IGSF10: variants seen among roughly 807,000 people sequenced by gnomAD.
IGSF10 encodes the protein immunoglobulin superfamily member 10.
A neutral mutation model predicts 128.2 loss-of-function variants in IGSF10; 126 were observed. That is an observed-to-expected ratio of 0.98 (90% CI 0.85 to 1.14). The LOEUF is 1.14. Ranked by LOEUF, IGSF10 falls within the 50% of genes most tolerant of loss-of-function variation. The pLI, the probability that IGSF10 is intolerant of heterozygous loss-of-function variation, is 0.00. For missense variants in IGSF10, 3,295 were observed against 3,149.8 expected, an observed-to-expected ratio of 1.05 and a Z score of -1.10; for synonymous variants, 1,185 against 1,146.2, an observed-to-expected ratio of 1.03 and a Z score of -0.68.
chr3:151,524,391 A>G, the IGSF10 span, among the ~76,000 whole-genome samples: 3 of 152,124 alleles, frequency 2.0e-5, no homozygotes, highest in African/African-American at 7.2e-5. Flanking sequence ...ATGTCCATCA[A>G]TGACAGATTA....
At chr3:151,609,500 C>A in the IGSF10 span, among the ~76,000 whole-genome samples, 1 of 151,948 alleles carries the variant, frequency 6.6e-6, no homozygotes, top group Non-Finnish European at 1.5e-5. Flanking sequence ...TCAGTATATA[C>A]CCAAAGGAAA....
chr3:151,539,315 T>C, the IGSF10 span, among the ~76,000 whole-genome samples: 4 of 152,184 alleles, frequency 2.6e-5, no homozygotes, highest in Admixed American at 1.3e-4. Context: ...ATAGCCGCTC[T>C]TAAGAGGAAG....
chr3:151,598,070 G>GGTGTGTGTGTGTGTGTGTGT, the IGSF10 span, among the ~76,000 whole-genome samples: 1 of 137,686 alleles, frequency 7.3e-6, no homozygotes, highest in African/African-American at 2.7e-5. Flanking sequence ...AATGAGTACT[G>GGTGTGTGTGTGTGTGTGTGT]GTGTGTGTGT....
chr3:151,534,967 A>G, the IGSF10 span, among the ~76,000 whole-genome samples: 1 of 152,086 alleles, frequency 6.6e-6, no homozygotes, highest in Non-Finnish European at 1.5e-5. Flanking sequence ...AGTCAGACTG[A>G]TAAGGGATCC....
At chr3:151,512,358 G>A in the IGSF10 span, among the ~76,000 whole-genome samples, 1 of 152,130 alleles carries the variant, frequency 6.6e-6, no homozygotes. Flanking sequence ...GCTCCTGAAT[G>A]ACTACTGGGT....
the IGSF10 span, among the ~76,000 whole-genome samples, chr3:151,554,123 A>G: frequency 6.9e-5 from 9 of 130,442 alleles, no homozygotes; most frequent in African/African-American, 2.4e-4. Flanking sequence ...CCTTGGTGAC[A>G]GAGTGAGATC....
the IGSF10 span, among the ~76,000 whole-genome samples, chr3:151,590,408 G>C: frequency 1.7e-4 from 26 of 152,248 alleles, no homozygotes; most frequent in African/African-American, 5.8e-4. Context: ...ACTTTATAGT[G>C]CAGCTGGTGT....
chr3:151,501,006 G>A, the IGSF10 span, among the ~76,000 whole-genome samples: 1 of 151,942 alleles, frequency 6.6e-6, no homozygotes, highest in African/African-American at 2.4e-5. Context: ...AGGAACCATG[G>A]ATATATAATC....
chr3:151,551,724 T>A, the IGSF10 span, among the ~76,000 whole-genome samples: 1 of 151,762 alleles, frequency 6.6e-6, no homozygotes, highest in African/African-American at 2.4e-5. Context: ...TTTGTTGAGG[T>A]TTCAATTTTT....
At chr3:151,492,935 T>TATGCCTATATATAC in the IGSF10 span, among the ~76,000 whole-genome samples, 1 of 151,694 alleles carries the variant, frequency 6.6e-6, no homozygotes, top group African/African-American at 2.4e-5. Flanking sequence ...TATGTATATG[T>TATGCCTATATATAC]ATGCCTATAT....
the IGSF10 span, among the ~76,000 whole-genome samples, chr3:151,597,549 C>A: frequency 6.6e-6 from 1 of 152,186 alleles, no homozygotes; most frequent in Non-Finnish European, 1.5e-5. Flanking sequence ...TAATGGTGTG[C>A]TCTTTTATTT....
the IGSF10 span, among the ~76,000 whole-genome samples, chr3:151,467,913 AAG>A: frequency 6.6e-6 from 1 of 152,110 alleles, no homozygotes; most frequent in Non-Finnish European, 1.5e-5. Context: ...AAAAGAAAAA[AAG>A]AAAGAAAAAT....
the IGSF10 span, among the ~76,000 whole-genome samples, chr3:151,589,824 T>G: frequency 6.6e-6 from 1 of 152,178 alleles, no homozygotes; most frequent in Admixed American, 6.5e-5. Context: ...AGTCATTCTT[T>G]TACTAATTAA....
chr3:151,439,299 T>C (rs1720690452), intron 7 of IGSF10, among the ~76,000 whole-genome samples: 1 of 152,198 alleles, frequency 6.6e-6, no homozygotes, highest in South Asian at 2.1e-4. Flanking sequence ...ACAAAACAAT[T>C]ACTGAATCAT....
At chr3:151,599,033 T>C in the IGSF10 span, among the ~76,000 whole-genome samples, 1 of 151,966 alleles carries the variant, frequency 6.6e-6, no homozygotes, top group Non-Finnish European at 1.5e-5. Flanking sequence ...CTGAGAGAAG[T>C]GGTGAAATGG....
At chr3:151,494,477 T>C in the IGSF10 span, among the ~76,000 whole-genome samples, 1 of 152,006 alleles carries the variant, frequency 6.6e-6, no homozygotes, top group African/African-American at 2.4e-5. Context: ...AACTAAAAAT[T>C]TGGATTTTTT....
At chr3:151,462,787 A>T (rs192862586), upstream of IGSF10, among the ~76,000 whole-genome samples, 1 of 99,718 alleles carries the variant, frequency 1.0e-5, no homozygotes, top group East Asian at 2.9e-4. Context: ...AGTTAGAAGT[A>T]ACCCTAGAAG....
the IGSF10 span, among the ~76,000 whole-genome samples, chr3:151,575,685 G>T: frequency 6.6e-6 from 1 of 152,204 alleles, no homozygotes; most frequent in African/African-American, 2.4e-5. Context: ...CTTCCTGGGT[G>T]AGGCGATGCC....
At chr3:151,501,094 CT>C in the IGSF10 span, among the ~76,000 whole-genome samples, 2 of 152,068 alleles carry the variant, frequency 1.3e-5, no homozygotes, top group Non-Finnish European at 2.9e-5. Context: ...TAACAAAAGC[CT>C]GCTTGATTAT....
Sources: allele counts gnomAD v4.1 joint callset (sites outside exome capture counted in the v4.1 genomes callset), GRCh38; gene constraint gnomAD v4.1.1; transcripts MANE v1.5; gene names NCBI Gene and HGNC (gene_info 2026-07-23, HGNC 2026-07-21).